RFFL: variants seen among roughly 807,000 people sequenced by gnomAD.
The protein encoded by RFFL is E3 ubiquitin-protein ligase rififylin.
RFFL carries 16 observed loss-of-function variants against 40.4 expected under a neutral mutation model. That is an observed-to-expected ratio of 0.40 (90% confidence interval 0.27 to 0.60). The LOEUF (loss-of-function observed/expected upper bound fraction) is 0.60. RFFL is among the 20% of genes least tolerant of loss of function. The probability of loss-of-function intolerance (pLI) is 0.47; values close to 1 mark genes in which losing one functional copy is unlikely to be tolerated. For missense variants in RFFL, 367 were observed against 451.7 expected, an observed-to-expected ratio of 0.81 and a Z score of 1.70; for synonymous variants, 154 against 167.9, an observed-to-expected ratio of 0.92 and a Z score of 0.64.
At chr17:35,062,130 C>A (rs898007206) in intron 1 of RFFL, among the ~76,000 whole-genome samples, 1 of 151,898 alleles carries the variant, frequency 6.6e-6, no homozygotes, top group Non-Finnish European at 1.5e-5. Flanking sequence ...CAAGGCCGGG[C>A]GCGGTGGCTC....
At position 35,021,463 on chromosome 17, in the gene RFFL, A is replaced by T; in HGVS notation, c.499T>A (p.Ser167Thr). The change falls in exon 3 of 7, where the codon TCC becomes ACC. Residue 167 changes from serine (S) to threonine (T), a missense_variant. Coordinates refer to ENST00000394597, the MANE Select transcript of RFFL (RefSeq NM_001017368.2). ...GGTGAGGTAGGTGGAACCATGCTGG[A>T]GTGAGGCTGGGTCAGGAAGGCCTGC... ...EQQAFLTQPH[S>T]SMVPPTSPNL... The T allele has an allele frequency of 6.4e-7, 1 of 1,571,092 alleles. No individual in the cohort carries two copies. Among genetic ancestry groups the T allele is most frequent in the Non-Finnish European group, 8.6e-7 (1 of 1,160,042 alleles).
Position 35,012,091 on chromosome 17 carries a change from G to A in RFFL, c.969C>T (p.Pro323=). The A allele has an allele frequency of 6.2e-7, 1 of 1,614,206 alleles. No individual in the cohort carries two copies. Among genetic ancestry groups the A allele is most frequent in the Non-Finnish European group, 8.5e-7 (1 of 1,180,038 alleles). Residue 323 remains proline, a synonymous_variant, in exon 7 of 7, where the codon CCC becomes CCT. Coordinates refer to ENST00000394597, the MANE Select transcript of RFFL (RefSeq NM_001017368.2). The part of the protein sequence containing the change: ...ENLCKICMDS[P]IDCVLLECGH... The stretch of plus-strand genomic sequence containing the variant: ...CACACTCCAGAAGAACACAGTCAAT[G>A]GGTGAGTCCATGCAGATCTTACACA...
At chr17:35,059,448 G>T (rs1198850050) in intron 1 of RFFL, among the ~76,000 whole-genome samples, 1 of 152,094 alleles carries the variant, frequency 6.6e-6, no homozygotes, top group African/African-American at 2.4e-5. Context: ...AGCTCAATCA[G>T]CATCATATGG....
At chr17:35,022,957 C>T (rs181978692) in intron 2 of RFFL, among the ~76,000 whole-genome samples, 169 of 152,304 alleles carry the variant, frequency 1.1e-3, no homozygotes, top group Non-Finnish European at 2.1e-3. Context: ...CACAGGAAGG[C>T]TTACTCAGCC....
At chr17:35,085,369 A>T (rs2142390465) in intron 1 of RFFL, among the ~76,000 whole-genome samples, 1 of 152,334 alleles carries the variant, frequency 6.6e-6, no homozygotes, top group Non-Finnish European at 1.5e-5. Context: ...GAGCAGGAAA[A>T]AACAGCTTTT....
chr17:35,066,887 C>G (rs755601855), upstream of RFFL, among the ~76,000 whole-genome samples: 3 of 147,150 alleles, frequency 2.0e-5, no homozygotes, highest in Non-Finnish European at 4.5e-5. Flanking sequence ...TTTTTTTTAA[C>G]TATAGAACAT....
At chr17:35,019,530 C>T (rs548426873) in intron 3 of RFFL, among the ~76,000 whole-genome samples, 7 of 152,148 alleles carry the variant, frequency 4.6e-5, no homozygotes, top group Admixed American at 3.3e-4. Context: ...CCCACCACCA[C>T]GCCCAGCTAA....
chr17:35,051,113 T>C (rs2091229369), intron 1 of RFFL, among the ~76,000 whole-genome samples: 1 of 152,228 alleles, frequency 6.6e-6, no homozygotes, highest in Non-Finnish European at 1.5e-5. Context: ...AGTGGCTTCA[T>C]TTTATAAACC....
At chr17:35,087,226 C>T (rs549303758) in intron 1 of RFFL, among the ~76,000 whole-genome samples, 4 of 152,130 alleles carry the variant, frequency 2.6e-5, no homozygotes, top group Non-Finnish European at 4.4e-5. Flanking sequence ...TTGCACATGC[C>T]TGAGGTCCCA....
intron 2 of RFFL, chr17:35,025,075 C>T (rs1424068776): frequency 6.6e-6 from 1 of 152,252 alleles, no homozygotes; most frequent in Non-Finnish European, 1.5e-5. Context: ...GCAAGCTCCC[C>T]GTTAAGCAGC....
chr17:35,064,702 G>C (rs1399619084), upstream of RFFL, among the ~76,000 whole-genome samples: 1 of 152,140 alleles, frequency 6.6e-6, no homozygotes, highest in Non-Finnish European at 1.5e-5. Context: ...GGCATTTGAG[G>C]CCTCTGCACC....
In RFFL at chr17:35,016,586, A is replaced by G. The variant is rs778149833; in HGVS notation, c.676-6T>C. ...CTGTCCTCTGAGTCAATAGACTGCA[A>G]TGACAAAGATGAGATCAGTGTGCTC... is the stretch of plus-strand genomic sequence containing the variant. On this transcript the variant is annotated splice_region_variant and splice_polypyrimidine_tract_variant and intron_variant, in intron 4 of 6. Transcript: ENST00000394597. 7 of 1,610,890 alleles carry G rather than the reference A, an allele frequency of 4.3e-6. No homozygotes were observed. The East Asian group carries it at 6.7e-5, about 15-fold the overall frequency.
chr17:35,045,122 A>C (rs1176104630), intron 1 of RFFL, among the ~76,000 whole-genome samples: 1 of 152,144 alleles, frequency 6.6e-6, no homozygotes, highest in Non-Finnish European at 1.5e-5. Context: ...GGAGAACGTA[A>C]GAGGAACAAC....
intron 1 of RFFL, among the ~76,000 whole-genome samples, chr17:35,054,903 A>G (rs2091251282): frequency 6.6e-6 from 1 of 151,932 alleles, no homozygotes; most frequent in Non-Finnish European, 1.5e-5. Context: ...GGTGCTTAGT[A>G]AACACCGATC....
In RFFL at chr17:35,027,724, C is replaced by CAAA. The variant is rs34594614; in HGVS notation, c.-8-1166_-8-1164dup. On this transcript the variant is annotated intron_variant, in intron 1 of 6. Transcript: ENST00000394597. ...GGACAACAAGAGTGAAACTCCGTCT[C>CAAA]AAAAAAAAAAAAAAAAAAAAGTGTT... 5.5e-5 allele frequency among the ~76,000 whole-genome samples: 5 copies of CAAA among 90,278 alleles called. 1 individual carries two copies. The highest frequency in any genetic ancestry group is 1.2e-4 in the Admixed American group (1 of 8,004). The allele number at this position is 90,278 out of a possible 152,430, so 59.2% of individuals were successfully genotyped here. A position where few individuals can be genotyped will look rare whatever the true frequency, so the allele number is the denominator to read the frequency against.
chr17:35,009,708 G>T lies in RFFL; in HGVS notation c.*2260C>A, dbSNP rs1317984330. On this transcript the variant is annotated 3_prime_UTR_variant, in exon 7 of 7. Transcript: ENST00000394597. ...AACCTCAGTTTTAATTCTTACTGAG[G>T]TTACTAACCAGCTATCAGTATATTA... The T allele has an allele frequency of 1.3e-5, 2 of 152,130 alleles. No individual in the cohort carries two copies. Among genetic ancestry groups the T allele is most frequent in the Admixed American group, 1.3e-4 (2 of 15,268 alleles). 9.4% of individuals were successfully genotyped at this position (152,130 alleles called of 1,614,324 possible). A position where few individuals can be genotyped will look rare whatever the true frequency, so the allele number is the denominator to read the frequency against.
At chr17:35,087,060 A>G (rs767167302) in intron 1 of RFFL, among the ~76,000 whole-genome samples, 2 of 152,180 alleles carry the variant, frequency 1.3e-5, no homozygotes, top group Non-Finnish European at 1.5e-5. Flanking sequence ...CTTTTCCACA[A>G]CCCTTAAGAG....
chr17:35,043,456 T>A (rs2091179229), intron 1 of RFFL, among the ~76,000 whole-genome samples: 1 of 152,176 alleles, frequency 6.6e-6, no homozygotes, highest in Admixed American at 6.5e-5. Flanking sequence ...CTCATGAGGA[T>A]TAAATGTTTG....
At position 35,010,086 on chromosome 17, in the gene RFFL, A is replaced by G. The variant is rs1350340175; in HGVS notation, c.*1882T>C. 2.0e-5 allele frequency: 3 copies of G among 152,500 alleles called. No homozygotes were observed. Among genetic ancestry groups the G allele is most frequent in the Admixed American group, 2.0e-4 (3 of 15,280 alleles). 9.4% of individuals were successfully genotyped at this position (152,500 alleles called of 1,614,324 possible). On this transcript the variant is annotated 3_prime_UTR_variant, in exon 7 of 7. Transcript: ENST00000394597. ...GGCCCAGTGTTCAGTTGACTAGTTT[A>G]TGCAGTTATTTCATTCCTCCAAAGG...
Sources: allele counts gnomAD v4.1 joint callset (sites outside exome capture counted in the v4.1 genomes callset), GRCh38; gene constraint gnomAD v4.1.1; transcripts MANE v1.5; gene names NCBI Gene and HGNC (gene_info 2026-07-23, HGNC 2026-07-21).